The following ATRN variants were observed in gnomAD, a reference collection of about 807,000 sequenced individuals.
ATRN encodes attractin-2.
A neutral mutation model predicts 178.7 loss-of-function variants in ATRN; 54 were observed. The ratio of observed to expected loss-of-function variants is 0.30; its 90% confidence interval spans 0.24 to 0.38. The LOEUF is 0.38. Among genes scored for constraint, ATRN ranks in the 10% least tolerant of loss-of-function variants. The pLI is 1.00. For synonymous variants in ATRN, 636 were observed against 663.0 expected, an observed-to-expected ratio of 0.96 and a Z score of 0.63; for missense variants, 1,443 against 1,815.1, an observed-to-expected ratio of 0.79 and a Z score of 3.73.
intron 25 of ATRN, chr20:3,629,101 G>A: frequency 1.0e-6 from 1 of 985,166 alleles, no homozygotes. Context: ...CCAGGCCCCA[G>A]AGCTGTGGCC....
intron 1 of ATRN, among the ~76,000 whole-genome samples, chr20:3,513,843 C>A (rs1237043869): frequency 6.6e-6 from 1 of 152,094 alleles, no homozygotes; most frequent in Admixed American, 6.6e-5. Context: ...GTATTTTATT[C>A]TCTTTGAAGC....
chr20:3,472,578 T>C (rs1184841606), intron 1 of ATRN, among the ~76,000 whole-genome samples: 3 of 152,150 alleles, frequency 2.0e-5, no homozygotes, highest in Non-Finnish European at 2.9e-5. Context: ...GTAAATGCTA[T>C]CAAGAAAATA....
At chr20:3,623,216 C>G (rs1420381467) in intron 24 of ATRN, among the ~76,000 whole-genome samples, 1 of 152,136 alleles carries the variant, frequency 6.6e-6, no homozygotes, top group Non-Finnish European at 1.5e-5. Flanking sequence ...AGGACCATGG[C>G]TCATATTCCG....
intron 1 of ATRN, among the ~76,000 whole-genome samples, chr20:3,519,880 C>G (rs1600067393): frequency 2.0e-5 from 3 of 152,180 alleles, no homozygotes; most frequent in African/African-American, 4.8e-5. Flanking sequence ...AGAAAAATGA[C>G]TGCAATCCAA....
chr20:3,609,750 G>GTGTGTA (rs1491587801), intron 24 of ATRN, among the ~76,000 whole-genome samples: 37 of 143,976 alleles, frequency 2.6e-4, no homozygotes, highest in African/African-American at 7.6e-4. Flanking sequence ...GTGTGTGTGT[G>GTGTGTA]TATAAAATAA....
chr20:3,493,379 T>A (rs997165850), intron 1 of ATRN, among the ~76,000 whole-genome samples: 7 of 151,616 alleles, frequency 4.6e-5, no homozygotes, highest in African/African-American at 7.3e-5. Flanking sequence ...AGGCTAGTTT[T>A]GAACTACTAG....
intron 8 of ATRN, among the ~76,000 whole-genome samples, chr20:3,561,115 G>A (rs1219368845): frequency 6.6e-6 from 1 of 152,136 alleles, no homozygotes; most frequent in Admixed American, 6.5e-5. Context: ...AAGGTCAGGA[G>A]TTCAAGACCA....
At chr20:3,493,900 C>T (rs182811667) in intron 1 of ATRN, among the ~76,000 whole-genome samples, 31 of 152,226 alleles carry the variant, frequency 2.0e-4, no homozygotes, top group African/African-American at 7.2e-4. Context: ...AGAGTTGATA[C>T]TGTTATTTAT....
In ATRN at chr20:3,632,808, C is replaced by A. The variant is rs1437955047; in HGVS notation, c.3864-1503C>A. Among the ~76,000 whole-genome samples, 1 of 152,184 alleles carries A rather than the reference C, an allele frequency of 6.6e-6. No individual in the cohort carries two copies. Among genetic ancestry groups the A allele is most frequent in the African/African-American group, 2.4e-5 (1 of 41,446 alleles). On this transcript the variant is annotated intron_variant, in intron 25 of 28. Transcript: ENST00000262919. The surrounding 1 kb of genome is among the most constrained non-coding windows in gnomAD (Gnocchi z 4.2). ...TCTTTGCTCTGTTTATCAGTGTTTTCCATGAGCCTAGAACAGGACCTGACC... is the reference window on the plus strand; with the variant it reads ...TCTTTGCTCTGTTTATCAGTGTTTTACATGAGCCTAGAACAGGACCTGACC...
intron 1 of ATRN, among the ~76,000 whole-genome samples, chr20:3,492,648 A>G (rs141427937): frequency 4.6e-5 from 7 of 152,276 alleles, no homozygotes; most frequent in African/African-American, 1.7e-4. Context: ...TGGGATATCA[A>G]GTACAGGAAG....
intron 1 of ATRN, among the ~76,000 whole-genome samples, chr20:3,493,883 CTG>C (rs1394859283): frequency 1.3e-5 from 2 of 152,100 alleles, no homozygotes; most frequent in African/African-American, 2.4e-5. Flanking sequence ...TGTTGCAAAA[CTG>C]TGTTAGAGTT....
Position 3,559,255 on chromosome 20 carries a change from T to C in ATRN, c.1113-138T>C, listed in dbSNP as rs150340087. Reference sequence around the variant, plus strand: ...CAGTGGGCCCAGGTGTCAGGTTTATTTGTGAAGGTGACAAGTGCCCCCCTA... The same window carrying C: ...CAGTGGGCCCAGGTGTCAGGTTTATCTGTGAAGGTGACAAGTGCCCCCCTA... On this transcript the variant is annotated intron_variant, in intron 6 of 28. Coordinates refer to ENST00000262919, the MANE Select transcript of ATRN (RefSeq NM_139321.3). 159 of 667,252 alleles carry C rather than the reference T, an allele frequency of 2.4e-4. 2 individuals carry two copies. The African/African-American group carries it at 2.4e-3, about 10-fold the overall frequency. 41.3% of individuals were successfully genotyped at this position (667,252 alleles called of 1,614,324 possible).
chr20:3,604,567 G>A (rs895224444), intron 24 of ATRN, among the ~76,000 whole-genome samples: 2 of 152,220 alleles, frequency 1.3e-5, no homozygotes, highest in African/African-American at 2.4e-5. Flanking sequence ...AGCCTGTAGG[G>A]CTACACAAAG....
At chr20:3,566,411 C>T (rs532006279) in intron 11 of ATRN, among the ~76,000 whole-genome samples, 3 of 152,256 alleles carry the variant, frequency 2.0e-5, no homozygotes, top group Non-Finnish European at 2.9e-5. Flanking sequence ...AGTTAAACAG[C>T]CTAATCACAT....
At chr20:3,594,892 G>A (rs1330183505) in intron 20 of ATRN, among the ~76,000 whole-genome samples, 1 of 152,176 alleles carries the variant, frequency 6.6e-6, no homozygotes, top group Non-Finnish European at 1.5e-5. Flanking sequence ...CATGTCAAGA[G>A]ATTATACTCT....
intron 1 of ATRN, among the ~76,000 whole-genome samples, chr20:3,499,774 G>A (rs565531812): frequency 1.6e-4 from 24 of 150,964 alleles, no homozygotes; most frequent in Non-Finnish European, 3.2e-4. Flanking sequence ...GTAGGCATGG[G>A]CAAGGACTTC....
chr20:3,536,239 C>G (rs915983774), intron 2 of ATRN, among the ~76,000 whole-genome samples: 1 of 151,850 alleles, frequency 6.6e-6, no homozygotes, highest in African/African-American at 2.4e-5. Context: ...GATGTCATCT[C>G]GCTCTGTGGC....
intron 1 of ATRN, among the ~76,000 whole-genome samples, chr20:3,524,010 A>G (rs929048136): frequency 2.6e-5 from 4 of 152,222 alleles, no homozygotes; most frequent in African/African-American, 9.6e-5. Context: ...TGCATCAACT[A>G]ATGGGCAAAA....
At chr20:3,493,482 A>G (rs1465345498) in intron 1 of ATRN, among the ~76,000 whole-genome samples, 1 of 151,696 alleles carries the variant, frequency 6.6e-6, no homozygotes, top group Non-Finnish European at 1.5e-5. Flanking sequence ...TTTTGTAGAG[A>G]TAGGGTCTCA....
Sources: allele counts gnomAD v4.1 joint callset (sites outside exome capture counted in the v4.1 genomes callset), GRCh38; gene constraint gnomAD v4.1.1; non-coding constraint Gnocchi (gnomAD v3.1); transcripts MANE v1.5; gene names NCBI Gene and HGNC (gene_info 2026-07-23, HGNC 2026-07-21).